CTBP1: variants seen among roughly 807,000 people sequenced by gnomAD.
CTBP1 encodes the protein C-terminal binding protein 1.
Under a neutral mutation model 42.1 loss-of-function variants are expected in CTBP1, and 11 were observed. That is an observed-to-expected ratio of 0.26 (90% CI 0.16 to 0.43). CTBP1 has a LOEUF of 0.43. Ranked by LOEUF, CTBP1 falls within the 20% of genes least tolerant of loss-of-function variation. The probability of loss-of-function intolerance (pLI) is 1.00; values close to 1 mark genes in which losing one functional copy is unlikely to be tolerated. For missense variants in CTBP1, 399 were observed against 624.3 expected (o/e 0.64, Z 3.85); for synonymous variants, 324 against 277.1 (o/e 1.17, Z -1.68).
At chr4:1,229,542 G>C (rs146540179) in intron 3 of CTBP1, among the ~76,000 whole-genome samples, 25 of 152,230 alleles carry the variant, frequency 1.6e-4, no homozygotes, top group Non-Finnish European at 3.4e-4. Context: ...GCTCAGCACA[G>C]AGGTTGCCGG....
intron 1 of CTBP1, among the ~76,000 whole-genome samples, chr4:1,247,772 G>T (rs567118087): frequency 3.8e-5 from 2 of 52,450 alleles, no homozygotes; most frequent in South Asian, 1.6e-3. Flanking sequence ...CGGGGAGGGG[G>T]GGGGGGCTCG....
intron 1 of CTBP1, among the ~76,000 whole-genome samples, chr4:1,246,123 C>T (rs967303191): frequency 1.3e-5 from 2 of 152,218 alleles, no homozygotes; most frequent in Admixed American, 6.5e-5. Flanking sequence ...GCAGGTGGCA[C>T]CTTGTGGGTT....
intron 3 of CTBP1, among the ~76,000 whole-genome samples, chr4:1,232,498 G>A (rs1422320269): frequency 6.6e-6 from 1 of 152,054 alleles, no homozygotes; most frequent in Admixed American, 6.6e-5. Context: ...TTTTAGTAGA[G>A]ACGAGGTTTC....
rs111918411 is a variant in CTBP1 at position 1,233,916 on chromosome 4, G to A, written c.162+4267C>T. Among the ~76,000 whole-genome samples, 25 of 152,314 alleles carry A rather than the reference G, an allele frequency of 1.6e-4. No individual in the cohort carries two copies. Among genetic ancestry groups the A allele is most frequent in the African/African-American group, 5.1e-4 (21 of 41,566 alleles). Reference sequence around the variant, plus strand: ...CAAAGCCTGGAGACAGGGAGCCTGCGGCCCCGCTGCCCTCTCCACAGCCAC... The same window carrying A: ...CAAAGCCTGGAGACAGGGAGCCTGCAGCCCCGCTGCCCTCTCCACAGCCAC... On this transcript the variant is annotated intron_variant, in intron 3 of 9. Coordinates refer to ENST00000382952, the MANE Select transcript of CTBP1 (RefSeq NM_001012614.2). This position sits in a 1 kb window ranked among gnomAD's most constrained non-coding sequence, Gnocchi z 4.6.
chr4:1,240,231 C>T (rs1297117073), intron 2 of CTBP1, among the ~76,000 whole-genome samples: 1 of 125,390 alleles, frequency 8.0e-6, no homozygotes, highest in Non-Finnish European at 1.7e-5. Flanking sequence ...TCGTCGGAAC[C>T]GTGTGGGGCA....
At chr4:1,215,862 C>T (rs561278483) in intron 6 of CTBP1, 129 bp downstream of exon 6, 110 of 1,008,686 alleles carry the variant, frequency 1.1e-4, no homozygotes, top group Middle Eastern at 9.6e-4. Flanking sequence ...GGCTGGCAGC[C>T]GCCGCCATGT....
intron 4 of CTBP1, 106 bp from the exon 5 acceptor site, chr4:1,225,672 G>T: frequency 3.2e-6 from 4 of 1,241,326 alleles, no homozygotes; most frequent in Non-Finnish European, 4.4e-6. Context: ...CAAGGAAGAA[G>T]CCAAAGGCCG....
rs531045952 is a variant in CTBP1 at position 1,231,583 on chromosome 4, C to T, written c.163-3240G>A. ...AGGGGCCCGCCAAGCCCACCTCCTG[C>T]CATGCAGTTCTGCCACCTGCTTCTG... On this transcript the variant is annotated intron_variant, in intron 3 of 9. Transcript: ENST00000382952. Among the ~76,000 whole-genome samples the T allele has an allele frequency of 2.0e-5, 3 of 152,360 alleles. No homozygotes were observed. In the South Asian group the frequency reaches 6.2e-4, roughly 32 times the overall value.
chr4:1,236,979 GAGAA>G, intron 3 of CTBP1: 2 of 674,972 alleles, frequency 3.0e-6, no homozygotes, highest in East Asian at 2.7e-5. Flanking sequence ...TGGGGCTCAG[GAGAA>G]ACCGAGCGTC....
intron 1 of CTBP1, chr4:1,244,991 C>G (rs1732566681): frequency 1.0e-6 from 1 of 985,366 alleles, no homozygotes; most frequent in Admixed American, 6.1e-5. Context: ...GAAGGCAGGC[C>G]CCCAAGAGGG....
chr4:1,216,303 G>T, intron 5 of CTBP1, 98 bp from the exon 6 acceptor site: 1 of 1,216,102 alleles, frequency 8.2e-7, no homozygotes, highest in South Asian at 1.5e-5. Flanking sequence ...GCCTCAGTTT[G>T]ACCATCTGCC....
chr4:1,241,482 C>T lies in CTBP1; in HGVS notation c.-151G>A, dbSNP rs565394233. ...CCAAAGTGCTCAGGCTTCTGATCCGCGGCAATCACTGAAGCCTGCGTCGGG... is the reference window on the plus strand; with the variant it reads ...CCAAAGTGCTCAGGCTTCTGATCCGTGGCAATCACTGAAGCCTGCGTCGGG... On this transcript the variant is annotated 5_prime_UTR_variant, in exon 2 of 10. Transcript: ENST00000382952. The T allele has an allele frequency of 2.9e-5, 47 of 1,603,972 alleles. No homozygotes were observed. Among genetic ancestry groups the T allele is most frequent in the Admixed American group, 6.7e-5 (4 of 59,946 alleles).
intron 5 of CTBP1, chr4:1,216,788 G>C (rs1729170216): frequency 6.1e-6 from 1 of 163,730 alleles, no homozygotes; most frequent in African/African-American, 2.4e-5. Context: ...GGCTGGCACG[G>C]GTCCCAGCAC....
In CTBP1 at chr4:1,212,974, T is replaced by C. The variant is rs1242357133; in HGVS notation, c.1045A>G (p.Thr349Ala). ...GCGGGGTCCATGCTGGCCCAGTGGG[T>C]GGCGGCTGTCAGATGGTCCTTGTTG... The part of the protein sequence containing the change: ...CVNKDHLTAA[T>A]HWASMDPAVV... The change falls in exon 9 of 10, where the codon ACC becomes GCC. Residue 349 changes from threonine to alanine, a missense_variant. Physicochemically the swap from Thr to Ala is moderately conservative, Grantham distance 58. Transcript: ENST00000382952. The C allele has an allele frequency of 6.2e-7, 1 of 1,613,746 alleles. No individual in the cohort carries two copies. Among genetic ancestry groups the C allele is most frequent in the Non-Finnish European group, 8.5e-7 (1 of 1,179,974 alleles).
intron 5 of CTBP1, chr4:1,223,433 C>A (rs561711088): frequency 2.2e-4 from 99 of 454,840 alleles, no homozygotes; most frequent in African/African-American, 1.2e-3. Flanking sequence ...TAGGTGTGGC[C>A]GCCTCACCGA....
At position 1,235,866 on chromosome 4, in the gene CTBP1, T is replaced by TA. The variant is rs988014292; in HGVS notation, c.162+2316dup. On this transcript the variant is annotated intron_variant, in intron 3 of 9. Transcript: ENST00000382952. The surrounding 1 kb of genome is among the most constrained non-coding windows in gnomAD (Gnocchi z 4.2). ...CTGTCTTCCTCTAAAGGGGCCGTCT[T>TA]ACTTCTTTTGCCAGGCACCTGGGGC... 3 of 152,236 alleles carry TA rather than the reference T, an allele frequency of 2.0e-5. No individual in the cohort carries two copies. The highest frequency in any genetic ancestry group is 4.4e-5 in the Non-Finnish European group (3 of 68,048). The allele number at this position is 152,236 out of a possible 1,614,324, so 9.4% of individuals were successfully genotyped here.
intron 7 of CTBP1, 79 bp from the exon 8 acceptor site, chr4:1,213,684 C>A: frequency 2.0e-6 from 3 of 1,534,350 alleles, no homozygotes; most frequent in Non-Finnish European, 2.6e-6. Context: ...GGCACTGGAA[C>A]CCCCTGTGGG....
Position 1,216,088 on chromosome 4 carries a change from G to C in CTBP1, c.632C>G (p.Thr211Ser). The C allele has an allele frequency of 6.2e-7, 1 of 1,611,546 alleles. No individual in the cohort carries two copies. The change falls in exon 6 of 10, where the codon ACC becomes AGC. Residue 211 changes from threonine to serine, a missense_variant. This residue lies in a region of CTBP1 where 309 missense variants were observed against 497.5 expected (regional missense o/e 0.62). Coordinates refer to ENST00000382952, the MANE Select transcript of CTBP1 (RefSeq NM_001012614.2). Reference sequence around the variant, plus strand: ...GCTGTGGAAGAGCAGGTCCTGCAGGGTGCTGACACGCTGCAGCCCCAGCGC... The same window carrying C: ...GCTGTGGAAGAGCAGGTCCTGCAGGCTGCTGACACGCTGCAGCCCCAGCGC... ...ERALGLQRVS[T>S]LQDLLFHSDC...
rs1365901476 is a variant in CTBP1, at chr4:1,228,212, C to T, written c.294G>A (p.Ser98=). The T allele has an allele frequency of 5.0e-6, 8 of 1,614,002 alleles. No individual in the cohort carries two copies. Among genetic ancestry groups the T allele is most frequent in the East Asian group, 2.2e-5 (1 of 44,900 alleles). The stretch of plus-strand genomic sequence containing the variant: ...GAGCCGGCCTACCTAAATCCCCGGC[C>T]GACTTGATGTCGATGTTGTCAAAAC... ...GSGFDNIDIK[S]AGDLGIAVCN... is the part of the protein sequence containing the mutation. Residue 98 remains serine, a synonymous_variant, in exon 4 of 10, where the codon TCG becomes TCA. Transcript: ENST00000382952.
Sources: allele counts gnomAD v4.1 joint callset (sites outside exome capture counted in the v4.1 genomes callset), GRCh38; gene constraint gnomAD v4.1.1; regional missense constraint gnomAD v4.1.1; non-coding constraint Gnocchi (gnomAD v3.1); transcripts MANE v1.5; gene names NCBI Gene and HGNC (gene_info 2026-07-23, HGNC 2026-07-21).